Variants in C10orf90 observed in about 807,000 individuals in gnomAD.
C10orf90 encodes the protein chromosome 10 open reading frame 90.
In C10orf90, 56 loss-of-function variants were observed where a neutral mutation model predicts 62.5. The observed-to-expected ratio is 0.90, with a 90% CI of 0.72 to 1.12. The LOEUF is 1.12. C10orf90 is among the 50% of genes most tolerant of loss of function. The probability of loss-of-function intolerance (pLI) is 0.00; values close to 1 mark genes in which losing one functional copy is unlikely to be tolerated. For missense variants in C10orf90, 970 were observed against 880.4 expected, an observed-to-expected ratio of 1.10 and a Z score of -1.29; for synonymous variants, 386 against 340.4, an observed-to-expected ratio of 1.13 and a Z score of -1.47.
chr10:126,504,506 T>G lies in C10orf90; in HGVS notation c.985A>C (p.Thr329Pro), dbSNP rs756162188. 10 of 1,614,102 alleles carry G rather than the reference T, an allele frequency of 6.2e-6. No individual in the cohort carries two copies. The highest frequency in any genetic ancestry group is 6.8e-6 in the Non-Finnish European group (8 of 1,180,010). Residue 329 changes from threonine (T) to proline (P), a missense_variant, in exon 4 of 10, where the codon ACC becomes CCC. Transcript: ENST00000488181. The surrounding 1 kb of genome is among the most constrained non-coding windows in gnomAD (Gnocchi z 4.1). ...AGTGGGGTGTCTGGAGAAAAACTGG[T>G]CTCTTTGTCGTCTGCATGGGTGACC... is the stretch of plus-strand genomic sequence containing the variant. Reference protein sequence around the residue: ...YWVTHADDKETSFSPDTPLSG... With the variant: ...YWVTHADDKEPSFSPDTPLSG...
At chr10:126,621,585 A>G (rs1196779032) in intron 2 of C10orf90, among the ~76,000 whole-genome samples, 5 of 152,210 alleles carry the variant, frequency 3.3e-5, no homozygotes, top group African/African-American at 1.2e-4. Flanking sequence ...TGCTTTGTGC[A>G]TGGAAAGAAT....
At chr10:126,610,951 T>C (rs896851104) in intron 2 of C10orf90, among the ~76,000 whole-genome samples, 1 of 152,190 alleles carries the variant, frequency 6.6e-6, no homozygotes, top group East Asian at 1.9e-4. Flanking sequence ...TTTTTTGTCT[T>C]TTATTTATGT....
At chr10:126,429,260 T>C (rs1442996216) in intron 8 of C10orf90, among the ~76,000 whole-genome samples, 1 of 152,000 alleles carries the variant, frequency 6.6e-6, no homozygotes, top group Non-Finnish European at 1.5e-5. Flanking sequence ...ATAAGGAGGA[T>C]GTGTTGGCAG....
chr10:126,640,889 G>A (rs542622577), intron 2 of C10orf90, among the ~76,000 whole-genome samples: 1 of 152,318 alleles, frequency 6.6e-6, no homozygotes, highest in African/African-American at 2.4e-5. Context: ...TTTGATTGGA[G>A]AAGTTGCATT....
chr10:126,623,773 A>G (rs866985316), intron 2 of C10orf90, among the ~76,000 whole-genome samples: 18 of 150,018 alleles, frequency 1.2e-4, no homozygotes, highest in Admixed American at 6.0e-4. Context: ...CCCAGTAGGC[A>G]GAGGTTGCAG....
rs549980213 is a variant in C10orf90 at position 126,504,012 on chromosome 10, G to A, written c.1479C>T (p.Ala493=). ...GEKDHTTHCH[A]SDHANQLSIH... is the part of the protein sequence containing the mutation. Reference sequence around the variant, plus strand: ...TGGACAGTTGGTTGGCATGATCGCTGGCGTGACAATGAGTTGTATGGTCCT... The same window carrying A: ...TGGACAGTTGGTTGGCATGATCGCTAGCGTGACAATGAGTTGTATGGTCCT... Residue 493 remains alanine, a synonymous_variant, in exon 4 of 10, where the codon GCC becomes GCT. Transcript: ENST00000488181. The surrounding 1 kb of genome is among the most constrained non-coding windows in gnomAD (Gnocchi z 4.1). The A allele has an allele frequency of 6.2e-7, 1 of 1,613,816 alleles. No individual in the cohort carries two copies. The highest frequency in any genetic ancestry group is 1.1e-5 in the South Asian group (1 of 91,034).
chr10:126,644,637 G>T (rs1487922307), intron 2 of C10orf90, among the ~76,000 whole-genome samples: 1 of 152,188 alleles, frequency 6.6e-6, no homozygotes, highest in Admixed American at 6.5e-5. Flanking sequence ...TTAACCTCTA[G>T]CCTCCGGCCA....
chr10:126,481,953 T>C (rs1311814470), intron 4 of C10orf90, among the ~76,000 whole-genome samples: 1 of 152,208 alleles, frequency 6.6e-6, no homozygotes, highest in Non-Finnish European at 1.5e-5. Context: ...TCTTACCCCA[T>C]ACCTAGGAGG....
intron 2 of C10orf90, among the ~76,000 whole-genome samples, chr10:126,546,374 G>C (rs1864491545): frequency 6.6e-6 from 1 of 152,224 alleles, no homozygotes; most frequent in South Asian, 2.1e-4. Flanking sequence ...CCTGCCCCCA[G>C]GTTCAGTGCA....
At chr10:126,522,177 A>G (rs1863774727) in intron 2 of C10orf90, among the ~76,000 whole-genome samples, 1 of 152,236 alleles carries the variant, frequency 6.6e-6, no homozygotes, top group Admixed American at 6.5e-5. Flanking sequence ...CTGAGACAGG[A>G]CAATCGCTTG....
chr10:126,472,605 C>G (rs1391180332), intron 4 of C10orf90, among the ~76,000 whole-genome samples: 1 of 152,092 alleles, frequency 6.6e-6, no homozygotes, highest in Admixed American at 6.6e-5. Context: ...GCTTTCATGT[C>G]TCCTCCCATT....
intron 4 of C10orf90, chr10:126,502,919 A>AAT: frequency 2.2e-6 from 1 of 464,628 alleles, no homozygotes; most frequent in Middle Eastern, 4.1e-4. Flanking sequence ...TCAATATTTC[A>AAT]ATATATATAC....
Position 126,669,340 on chromosome 10 carries a change from G to A in C10orf90, c.240+901C>T, listed in dbSNP as rs560206811. Among the ~76,000 whole-genome samples the A allele has an allele frequency of 3.9e-5, 6 of 152,326 alleles. No homozygotes were observed. The South Asian group carries it at 1.2e-3, about 32-fold the overall frequency. On this transcript the variant is annotated intron_variant, in intron 1 of 9. Coordinates refer to ENST00000488181, the MANE Select transcript of C10orf90 (RefSeq NM_001350921.2). ...TTGAAAAACCTGTTCCTTCCACACT[G>A]TGCTGGCTTCCTTCTGCCCAGCCTG...
chr10:126,426,141 C>A (rs150180990), intron 8 of C10orf90, 51 bp from the exon 9 acceptor site: 2 of 1,427,104 alleles, frequency 1.4e-6, no homozygotes, highest in Admixed American at 1.7e-5. Context: ...AGCGTGCTCC[C>A]GCTGTGGGGC....
intron 7 of C10orf90, among the ~76,000 whole-genome samples, chr10:126,430,822 G>A (rs1342722978): frequency 6.6e-6 from 1 of 152,192 alleles, no homozygotes; most frequent in Admixed American, 6.5e-5. Context: ...ACCCAGGCCT[G>A]TCCCTTTGCT....
At chr10:126,651,825 C>T (rs1846297309) in intron 1 of C10orf90, among the ~76,000 whole-genome samples, 1 of 152,232 alleles carries the variant, frequency 6.6e-6, no homozygotes, top group Non-Finnish European at 1.5e-5. Context: ...GCTGCATCTT[C>T]TCTTTAAGAT....
At chr10:126,452,466 G>A (rs1859263012) in intron 7 of C10orf90, among the ~76,000 whole-genome samples, 1 of 152,204 alleles carries the variant, frequency 6.6e-6, no homozygotes, top group African/African-American at 2.4e-5. Context: ...ATTTATATCT[G>A]TGGTGTCACT....
intron 2 of C10orf90, among the ~76,000 whole-genome samples, chr10:126,547,656 T>C (rs1864533141): frequency 6.6e-6 from 1 of 151,754 alleles, no homozygotes; most frequent in Non-Finnish European, 1.5e-5. Context: ...GCAAATAAAA[T>C]AGAAAATCTC....
At chr10:126,588,168 T>G (rs898347766) in intron 2 of C10orf90, among the ~76,000 whole-genome samples, 15 of 151,962 alleles carry the variant, frequency 9.9e-5, no homozygotes, top group Admixed American at 3.3e-4. Context: ...CTCTGGGGAG[T>G]CCAGGCGGTC....
Sources: allele counts gnomAD v4.1 joint callset (sites outside exome capture counted in the v4.1 genomes callset), GRCh38; gene constraint gnomAD v4.1.1; non-coding constraint Gnocchi (gnomAD v3.1); transcripts MANE v1.5; gene names NCBI Gene and HGNC (gene_info 2026-07-23, HGNC 2026-07-21).